Variants in ELFN2 observed in about 807,000 individuals in gnomAD.
The protein encoded by ELFN2 is extracellular leucine rich repeat and fibronectin type III domain containing 2, also known as protein phosphatase 1 regulatory subunit 29.
Under a neutral mutation model 45.5 loss-of-function variants are expected in ELFN2, and 17 were observed. The ratio of observed to expected loss-of-function variants is 0.37; its 90% confidence interval spans 0.26 to 0.56. ELFN2 has a LOEUF of 0.56. Ranked by LOEUF, ELFN2 falls within the 20% of genes least tolerant of loss-of-function variation. The probability of loss-of-function intolerance (pLI) is 0.77; values close to 1 mark genes in which losing one functional copy is unlikely to be tolerated. For synonymous variants in ELFN2, 550 were observed against 551.5 expected (o/e 1.00, Z 0.04); for missense variants, 922 against 1,183.2 (o/e 0.78, Z 3.24).
intron 2 of ELFN2, among the ~76,000 whole-genome samples, chr22:37,391,820 A>G (rs1457836514): frequency 3.9e-5 from 6 of 152,150 alleles, no homozygotes; most frequent in Non-Finnish European, 8.8e-5. Context: ...CCTGGCAAAT[A>G]TTGGAAAGGG....
chr22:37,404,094 T>G (rs1182080927), intron 2 of ELFN2, among the ~76,000 whole-genome samples: 5 of 152,126 alleles, frequency 3.3e-5, no homozygotes, highest in Non-Finnish European at 5.9e-5. Context: ...TCAGGAGAAC[T>G]GAGATCAAGA....
At chr22:37,349,512 T>C (rs1349940753) in intron 1 of ELFN2, among the ~76,000 whole-genome samples, 2 of 151,054 alleles carry the variant, frequency 1.3e-5, no homozygotes, top group Non-Finnish European at 3.0e-5. Flanking sequence ...AGCCACACAC[T>C]CCAATCTCCA....
chr22:37,403,409 G>GCAAGGGGC (rs1555923517), intron 2 of ELFN2, among the ~76,000 whole-genome samples: 2 of 151,508 alleles, frequency 1.3e-5, no homozygotes, highest in South Asian at 2.1e-4. Flanking sequence ...TGCAAGGCGA[G>GCAAGGGGC]CGAGGGGCCG....
At chr22:37,364,468 G>A (rs1052321502), downstream of ELFN2, among the ~76,000 whole-genome samples, 6 of 152,206 alleles carry the variant, frequency 3.9e-5, no homozygotes, top group African/African-American at 1.2e-4. Flanking sequence ...GAGGGGACAG[G>A]GGCCAGCTGG....
chr22:37,421,827 T>C (rs1178809642), intron 1 of ELFN2, among the ~76,000 whole-genome samples: 2 of 152,038 alleles, frequency 1.3e-5, no homozygotes, highest in Non-Finnish European at 2.9e-5. Context: ...AGACAGGCAA[T>C]AGGCAGATGT....
intron 2 of ELFN2, among the ~76,000 whole-genome samples, chr22:37,342,153 G>T (rs766302297): frequency 6.6e-6 from 1 of 152,130 alleles, no homozygotes; most frequent in Non-Finnish European, 1.5e-5. Context: ...CCTGGAGACC[G>T]AGCAAGTCTT....
downstream of ELFN2, among the ~76,000 whole-genome samples, chr22:37,365,578 G>A (rs1196874721): frequency 6.6e-6 from 1 of 152,104 alleles, no homozygotes; most frequent in African/African-American, 2.4e-5. Flanking sequence ...AAAGGAGGAA[G>A]AACTTATATA....
At chr22:37,379,013 G>C (rs770382857) in intron 2 of ELFN2, among the ~76,000 whole-genome samples, 1 of 152,214 alleles carries the variant, frequency 6.6e-6, no homozygotes, top group African/African-American at 2.4e-5. Flanking sequence ...CAGCAGGGGG[G>C]ACAGGGCAGC....
rs536334753 is a variant in ELFN2 at position 37,368,358 on chromosome 22, T to C, written c.*4714A>G. ...CCTGTCCCAGCCCTGTGCTGGAGTGTGGAGTGGCAGAGGGGCAGAGGAAGG... is the reference window on the plus strand; with the variant it reads ...CCTGTCCCAGCCCTGTGCTGGAGTGCGGAGTGGCAGAGGGGCAGAGGAAGG... On this transcript the variant is annotated 3_prime_UTR_variant, in exon 3 of 3. Transcript: ENST00000402918. The C allele has an allele frequency of 6.6e-6, 1 of 152,476 alleles. No homozygotes were observed. The highest frequency in any genetic ancestry group is 2.4e-5 in the African/African-American group (1 of 41,562). 9.4% of individuals were successfully genotyped at this position (152,476 alleles called of 1,614,324 possible).
chr22:37,348,754 C>T (rs1156552473), intron 1 of ELFN2, among the ~76,000 whole-genome samples: 2 of 150,708 alleles, frequency 1.3e-5, no homozygotes, highest in Non-Finnish European at 3.0e-5. Flanking sequence ...ATGTGCCACC[C>T]GAGAGGGACC....
rs571440247 is a variant in ELFN2 at position 37,383,379 on chromosome 22, T to G, written c.-462-7383A>C. 2.6e-5 allele frequency among the ~76,000 whole-genome samples: 4 copies of G among 152,286 alleles called. No homozygotes were observed. In the South Asian group the frequency reaches 8.3e-4, roughly 32 times the overall value. ...GGTCCACGGGCAGCTCTGGGCAGTA[T>G]CTGTTTAGGTCTCTTCTGAGGTGCT... On this transcript the variant is annotated intron_variant, in intron 2 of 2. Coordinates refer to ENST00000402918, the MANE Select transcript of ELFN2 (RefSeq NM_052906.5).
rs535231421 is a variant in ELFN2, at chr22:37,379,185, C to CA, written c.-462-3190dup. Among the ~76,000 whole-genome samples the CA allele has an allele frequency of 9.8e-5, 15 of 152,320 alleles. No homozygotes were observed. The East Asian group carries it at 1.5e-3, about 16-fold the overall frequency. ...GCGTCTGAGACAGAGGCACCGACGG[C>CA]AGTGAGCTATCTAGATGATAGATGG... On this transcript the variant is annotated intron_variant, in intron 2 of 2. Transcript: ENST00000402918.
At chr22:37,388,262 T>C (rs573982228) in intron 2 of ELFN2, among the ~76,000 whole-genome samples, 29 of 152,270 alleles carry the variant, frequency 1.9e-4, no homozygotes, top group African/African-American at 6.0e-4. Flanking sequence ...CTGCCTGTTC[T>C]GCCCTCCTAC....
intron 2 of ELFN2, among the ~76,000 whole-genome samples, chr22:37,397,530 G>A (rs533108332): frequency 7.9e-5 from 12 of 152,280 alleles, no homozygotes; most frequent in South Asian, 4.1e-4. Flanking sequence ...CTGGTCAGAC[G>A]GGTGCAGAGG....
intron 2 of ELFN2, among the ~76,000 whole-genome samples, chr22:37,378,718 G>A (rs1391782701): frequency 2.6e-5 from 4 of 152,248 alleles, no homozygotes; most frequent in Non-Finnish European, 5.9e-5. Flanking sequence ...TTGGGAGGAG[G>A]CTCCCATCGT....
Position 37,375,218 on chromosome 22 carries a change from T to C in ELFN2, c.317A>G (p.Gln106Arg). 2 of 1,614,076 alleles carry C rather than the reference T, an allele frequency of 1.2e-6. No homozygotes were observed. The highest frequency in any genetic ancestry group is 1.7e-6 in the Non-Finnish European group (2 of 1,180,004). Residue 106 changes from glutamine to arginine, a missense_variant, in exon 3 of 3, where the codon CAG becomes CGG. Transcript: ENST00000402918. ...DGAFLGQSSL[Q>R]VLQLGYNKLS... is the part of the protein sequence containing the mutation. Reference sequence around the variant, plus strand: ...CTTGTTGTAGCCCAGCTGCAGGACCTGCAGGCTCGACTGGCCCAGGAAGGC... The same window carrying C: ...CTTGTTGTAGCCCAGCTGCAGGACCCGCAGGCTCGACTGGCCCAGGAAGGC...
At chr22:37,399,513 ACCACCAGCCCAC>A (rs1414244458) in intron 2 of ELFN2, among the ~76,000 whole-genome samples, 2 of 144,578 alleles carry the variant, frequency 1.4e-5, no homozygotes, top group Non-Finnish European at 3.1e-5. Context: ...GACCACGGGG[ACCACCAGCCCAC>A]CTCTCCCACC....
intron 2 of ELFN2, among the ~76,000 whole-genome samples, chr22:37,392,782 G>A (rs1422884921): frequency 3.9e-5 from 6 of 152,134 alleles, no homozygotes; most frequent in Non-Finnish European, 8.8e-5. Context: ...GTGGCTGCTA[G>A]AGACCTCTGG....
rs1931418323 is a variant in ELFN2, at chr22:37,372,952, A to G, written c.*120T>C. On this transcript the variant is annotated 3_prime_UTR_variant, in exon 3 of 3. Coordinates refer to ENST00000402918, the MANE Select transcript of ELFN2 (RefSeq NM_052906.5). The surrounding 1 kb of genome is among the most constrained non-coding windows in gnomAD (Gnocchi z 4.4). ...TGTGCGTGCGTGCGTGCGGGTCTGC[A>G]TGTGCGTCCTCTCCTGGGCCTTGGC... 3 of 1,168,326 alleles carry G rather than the reference A, an allele frequency of 2.6e-6. No individual in the cohort carries two copies. In the South Asian group the frequency reaches 4.8e-5, roughly 19 times the overall value. 72.4% of individuals were successfully genotyped at this position (1,168,326 alleles called of 1,614,324 possible).
Sources: allele counts gnomAD v4.1 joint callset (sites outside exome capture counted in the v4.1 genomes callset), GRCh38; gene constraint gnomAD v4.1.1; non-coding constraint Gnocchi (gnomAD v3.1); transcripts MANE v1.5; gene names NCBI Gene and HGNC (gene_info 2026-07-23, HGNC 2026-07-21).